The following KCNJ1 variants were observed in gnomAD, a reference collection of about 807,000 sequenced individuals.
The protein encoded by KCNJ1 is ATP-sensitive inward rectifier potassium channel 1.
Under a neutral mutation model 21.9 loss-of-function variants are expected in KCNJ1, and 24 were observed. That is an observed-to-expected ratio of 1.10 (90% CI 0.79 to 1.54). The LOEUF (loss-of-function observed/expected upper bound fraction) is 1.54. Ranked by LOEUF, KCNJ1 falls within the 40% of genes most tolerant of loss-of-function variation. The probability of loss-of-function intolerance (pLI) is 0.00; values close to 1 mark genes in which losing one functional copy is unlikely to be tolerated. For missense variants in KCNJ1, 457 were observed against 455.4 expected (o/e 1.00, Z -0.03); for synonymous variants, 152 against 160.9 (o/e 0.94, Z 0.42).
rs115432716 is a variant in KCNJ1, at chr11:128,852,741, C to T, written c.-191-1851G>A. On this transcript the variant is annotated intron_variant, in intron 1 of 2. Transcript: ENST00000392666. ...CCAGGAGCCCTCTCAGAACAGGACACTGCCCGGGAGACTTCCCAGCTGCGT... is the reference window on the plus strand; with the variant it reads ...CCAGGAGCCCTCTCAGAACAGGACATTGCCCGGGAGACTTCCCAGCTGCGT... Among the ~76,000 whole-genome samples the T allele has an allele frequency of 1.1e-3, 163 of 152,378 alleles. 2 individuals carry two copies. The highest frequency in any genetic ancestry group is 3.8e-3 in the African/African-American group (158 of 41,600).
chr11:128,844,353 G>C (rs1943342334), intron 2 of KCNJ1, among the ~76,000 whole-genome samples: 1 of 152,204 alleles, frequency 6.6e-6, no homozygotes. Context: ...AACGGACTCT[G>C]CACTTGGTGT....
chr11:128,839,170 G>T lies in KCNJ1; in HGVS notation c.1074C>A (p.Asn358Lys), dbSNP rs368003957. 5.6e-5 allele frequency: 90 copies of T among 1,614,154 alleles called. No individual in the cohort carries two copies. Among genetic ancestry groups the T allele is most frequent in the Non-Finnish European group, 7.0e-5 (83 of 1,180,020 alleles). Reference protein sequence around the residue: ...ARMKRGYDNPNFILSEVNETD... With the variant: ...ARMKRGYDNPKFILSEVNETD... ...TTTCATTGACTTCTGACAAGATGAA[G>T]TTGGGGTTGTCATAGCCTCTCTTCA... Residue 358 changes from asparagine (N) to lysine (K), a missense_variant, in exon 3 of 3, where the codon AAC becomes AAA. Transcript: ENST00000392666.
intron 1 of KCNJ1, among the ~76,000 whole-genome samples, chr11:128,862,718 G>A (rs1446730231): frequency 6.6e-6 from 1 of 152,176 alleles, no homozygotes; most frequent in Non-Finnish European, 1.5e-5. Context: ...CTTCCCAGAG[G>A]TCTAAGGTGA....
chr11:128,862,068 A>T (rs55692740), intron 1 of KCNJ1, among the ~76,000 whole-genome samples: 2,121 of 152,188 alleles, frequency 0.014, 49 homozygotes, highest in African/African-American at 0.047. Flanking sequence ...CGCACCGCTC[A>T]TCTTGCTGCA....
At chr11:128,845,727 C>T (rs556987204) in intron 2 of KCNJ1, among the ~76,000 whole-genome samples, 1 of 152,166 alleles carries the variant, frequency 6.6e-6, no homozygotes, top group African/African-American at 2.4e-5. Flanking sequence ...CTTTCCTGGC[C>T]TCATGGGCAT....
chr11:128,865,797 TG>T (rs1335825895), intron 1 of KCNJ1, among the ~76,000 whole-genome samples: 26 of 152,108 alleles, frequency 1.7e-4, no homozygotes, highest in Non-Finnish European at 3.2e-4. Flanking sequence ...AGAACGTGAA[TG>T]GGGAATTTTG....
intron 1 of KCNJ1, among the ~76,000 whole-genome samples, chr11:128,861,626 T>A (rs1192543572): frequency 6.6e-6 from 1 of 152,118 alleles, no homozygotes; most frequent in Non-Finnish European, 1.5e-5. Flanking sequence ...GCGGGATAAC[T>A]GGGGCTCGCC....
chr11:128,855,478 A>C (rs140106169), intron 1 of KCNJ1, among the ~76,000 whole-genome samples: 1 of 152,358 alleles, frequency 6.6e-6, no homozygotes, highest in East Asian at 1.9e-4. Context: ...AGCTGTGATC[A>C]GCATTAAGAT....
chr11:128,858,645 G>T (rs1943637158), intron 1 of KCNJ1, among the ~76,000 whole-genome samples: 1 of 152,192 alleles, frequency 6.6e-6, no homozygotes, highest in Non-Finnish European at 1.5e-5. Context: ...GACATTAACA[G>T]ATCTCACTGT....
At chr11:128,859,539 G>A (rs986348592) in intron 1 of KCNJ1, among the ~76,000 whole-genome samples, 2 of 152,184 alleles carry the variant, frequency 1.3e-5, no homozygotes, top group African/African-American at 4.8e-5. Context: ...CCGAGCCACC[G>A]CTCCCGGACA....
intron 1 of KCNJ1, among the ~76,000 whole-genome samples, chr11:128,854,171 A>T (rs1475371907): frequency 6.6e-6 from 1 of 152,208 alleles, no homozygotes; most frequent in South Asian, 2.1e-4. Flanking sequence ...GGTCTGTGGG[A>T]TGGGAGGAAA....
In KCNJ1 at chr11:128,846,714, C is replaced by T. The variant is rs74591063; in HGVS notation, c.-22+4007G>A. Among the ~76,000 whole-genome samples the T allele has an allele frequency of 5.0e-4, 76 of 152,236 alleles. 2 individuals are homozygous for T. The South Asian group carries it at 0.012, about 24-fold the overall frequency. On this transcript the variant is annotated intron_variant, in intron 2 of 2. Transcript: ENST00000392666. ...GCAAGGCTGAACAGAGCGACGGTAC[C>T]GAGGCTTGATGCTGTTCTTCTCTCA... is the stretch of plus-strand genomic sequence containing the variant.
At chr11:128,845,884 G>T (rs1378012440) in intron 2 of KCNJ1, among the ~76,000 whole-genome samples, 4 of 152,160 alleles carry the variant, frequency 2.6e-5, no homozygotes, top group Admixed American at 6.5e-5. Context: ...TGTGTGTACA[G>T]CAAGGGCCTT....
intron 1 of KCNJ1, among the ~76,000 whole-genome samples, chr11:128,853,784 C>T (rs1943523321): frequency 6.6e-6 from 1 of 152,230 alleles, no homozygotes; most frequent in Non-Finnish European, 1.5e-5. Flanking sequence ...CTTGTTGGAA[C>T]CTCGGCTGAA....
rs543460006 is a variant in KCNJ1, at chr11:128,850,431, C to T, written c.-22+290G>A. Among the ~76,000 whole-genome samples, 4 of 152,292 alleles carry T rather than the reference C, an allele frequency of 2.6e-5. No homozygotes were observed. In the South Asian group the frequency reaches 8.3e-4, roughly 32 times the overall value. The stretch of plus-strand genomic sequence containing the variant: ...CCCCAGTCCCTGCCTACCCCAGCAC[C>T]AGGCAGAGAACAGAGGCTCAACAGG... On this transcript the variant is annotated intron_variant, in intron 2 of 2. Coordinates refer to ENST00000392666, the MANE Select transcript of KCNJ1 (RefSeq NM_153766.3).
chr11:128,847,832 A>G (rs1171380105), intron 2 of KCNJ1, among the ~76,000 whole-genome samples: 3 of 152,082 alleles, frequency 2.0e-5, no homozygotes, highest in African/African-American at 7.2e-5. Context: ...CTTATCCTGT[A>G]TGTATTTTCT....
At chr11:128,861,614 G>A (rs1281539121) in intron 1 of KCNJ1, among the ~76,000 whole-genome samples, 1 of 152,190 alleles carries the variant, frequency 6.6e-6, no homozygotes, top group Non-Finnish European at 1.5e-5. Flanking sequence ...AGCCACTGCA[G>A]AGCGGGATAA....
rs2135938802 is a variant in KCNJ1, at chr11:128,838,632, G to C, written c.*493C>G. 1 of 161,268 alleles carries C rather than the reference G, an allele frequency of 6.2e-6. No homozygotes were observed. Among genetic ancestry groups the C allele is most frequent in the East Asian group, 1.8e-4 (1 of 5,494 alleles). The allele number at this position is 161,268 out of a possible 1,614,324, so 10.0% of individuals were successfully genotyped here. On this transcript the variant is annotated 3_prime_UTR_variant, in exon 3 of 3. Transcript: ENST00000392666. ...TTTGTGTAAGCGTTTTCTTGTCATT[G>C]ATTGGTTGGTTCATCTCCCCAAATT...
intron 2 of KCNJ1, among the ~76,000 whole-genome samples, chr11:128,846,681 T>G (rs1943386071): frequency 6.6e-6 from 1 of 152,144 alleles, no homozygotes; most frequent in Non-Finnish European, 1.5e-5. Context: ...GGGAGAGAAT[T>G]ATCCTTGGCA....
Sources: allele counts gnomAD v4.1 joint callset (sites outside exome capture counted in the v4.1 genomes callset), GRCh38; gene constraint gnomAD v4.1.1; transcripts MANE v1.5; gene names NCBI Gene and HGNC (gene_info 2026-07-23, HGNC 2026-07-21).